PDE4D: variants seen among roughly 807,000 people sequenced by gnomAD.
PDE4D encodes 3',5'-cyclic-AMP phosphodiesterase 4D.
Under a neutral mutation model 87.4 loss-of-function variants are expected in PDE4D, and 24 were observed. The ratio of observed to expected loss-of-function variants is 0.27; its 90% CI spans 0.20 to 0.39. PDE4D has a LOEUF of 0.39. Among genes scored for constraint, PDE4D ranks in the 10% least tolerant of loss-of-function variants. The probability of loss-of-function intolerance (pLI) is 1.00; values close to 1 mark genes in which losing one functional copy is unlikely to be tolerated. For synonymous variants in PDE4D, 384 were observed against 383.2 expected (o/e 1.00, Z -0.02); for missense variants, 714 against 1,041.0 (o/e 0.69, Z 4.32).
chr5:59,789,168 T>A (rs540517557), intron 1 of PDE4D, among the ~76,000 whole-genome samples: 3 of 152,328 alleles, frequency 2.0e-5, no homozygotes, highest in Admixed American at 6.5e-5. Context: ...CTAAGAAATA[T>A]GCTCAGATGG....
chr5:59,448,935 G>A (rs953792511), intron 1 of PDE4D, among the ~76,000 whole-genome samples: 2 of 152,082 alleles, frequency 1.3e-5, no homozygotes, highest in African/African-American at 4.8e-5. Context: ...ATTCCCAGCA[G>A]CTAGGGAATA....
intron 1 of PDE4D, among the ~76,000 whole-genome samples, chr5:60,333,582 T>A (rs1415250850): frequency 6.6e-6 from 1 of 152,186 alleles, no homozygotes; most frequent in African/African-American, 2.4e-5. Flanking sequence ...GACTAACTAA[T>A]GTGTGGCCTG....
At chr5:59,195,720 T>G (rs976543960) in intron 2 of PDE4D, among the ~76,000 whole-genome samples, 2 of 152,240 alleles carry the variant, frequency 1.3e-5, no homozygotes, top group Non-Finnish European at 2.9e-5. Context: ...TAGAGTGATG[T>G]TTTGGGATTC....
intron 1 of PDE4D, among the ~76,000 whole-genome samples, chr5:60,374,972 C>A (rs1761322623): frequency 6.6e-6 from 1 of 152,028 alleles, no homozygotes; most frequent in Non-Finnish European, 1.5e-5. Context: ...GTTTTAATTT[C>A]TATCCCAGTT....
intron 5 of PDE4D, among the ~76,000 whole-genome samples, chr5:59,139,440 C>T (rs1252890579): frequency 6.6e-6 from 1 of 152,090 alleles, no homozygotes; most frequent in Admixed American, 6.6e-5. Flanking sequence ...AAACTTTACC[C>T]TGAAGGCATT....
chr5:58,986,788 C>T (rs1188799164), intron 11 of PDE4D, among the ~76,000 whole-genome samples: 2 of 152,122 alleles, frequency 1.3e-5, no homozygotes, highest in African/African-American at 2.4e-5. Flanking sequence ...AAGAATAGAG[C>T]AGGTCCTCAT....
At chr5:59,709,763 C>T (rs1342004864) in intron 1 of PDE4D, among the ~76,000 whole-genome samples, 1 of 152,076 alleles carries the variant, frequency 6.6e-6, no homozygotes, top group African/African-American at 2.4e-5. Context: ...AAATGAGAAT[C>T]GCTGGGTGGT....
At chr5:59,336,335 C>A (rs1777650821) in intron 1 of PDE4D, among the ~76,000 whole-genome samples, 1 of 152,196 alleles carries the variant, frequency 6.6e-6, no homozygotes, top group Non-Finnish European at 1.5e-5. Flanking sequence ...TTGTACTTTC[C>A]TGTCCCCATC....
At chr5:60,024,994 C>T (rs1766471816) in intron 2 of PDE4D, among the ~76,000 whole-genome samples, 1 of 151,924 alleles carries the variant, frequency 6.6e-6, no homozygotes, top group Non-Finnish European at 1.5e-5. Flanking sequence ...TGGTGGAGCT[C>T]TGTGTGGGCA....
intron 1 of PDE4D, among the ~76,000 whole-genome samples, chr5:59,319,781 A>T (rs1014628346): frequency 8.5e-5 from 13 of 152,232 alleles, no homozygotes; most frequent in African/African-American, 3.1e-4. Context: ...GCAATAAGGT[A>T]CTCTGTTCTG....
rs887073339 is a variant in PDE4D, at chr5:60,251,829, T to C, written c.-89-66142A>G. Among the ~76,000 whole-genome samples, 7 of 152,046 alleles carry C rather than the reference T, an allele frequency of 4.6e-5. No homozygotes were observed. In the South Asian group the frequency reaches 6.2e-4, roughly 13 times the overall value. The stretch of plus-strand genomic sequence containing the variant: ...TGTTTATAAAGTCTATAGTAGTGTA[T>C]AGTAATGTTCTGGGCCTTTATATTC... On this transcript the variant is annotated intron_variant, in intron 1 of 16. Transcript: ENST00000502484.
At chr5:60,428,003 G>A (rs951421846) in intron 1 of PDE4D, among the ~76,000 whole-genome samples, 1 of 152,194 alleles carries the variant, frequency 6.6e-6, no homozygotes, top group African/African-American at 2.4e-5. Flanking sequence ...TTGAGCCCCA[G>A]AGTTTGAGGC....
intron 5 of PDE4D, among the ~76,000 whole-genome samples, chr5:59,091,370 G>C (rs939686842): frequency 6.6e-6 from 1 of 151,230 alleles, no homozygotes; most frequent in Non-Finnish European, 1.5e-5. Flanking sequence ...TTTCCAAACT[G>C]GATATGTTCA....
At chr5:60,511,195 C>A (rs549469954) in intron 1 of PDE4D, among the ~76,000 whole-genome samples, 2 of 152,218 alleles carry the variant, frequency 1.3e-5, no homozygotes, top group African/African-American at 4.8e-5. Flanking sequence ...GTCTCGAACT[C>A]CTGACCTCAA....
chr5:59,631,937 G>A (rs942439194), intron 1 of PDE4D, among the ~76,000 whole-genome samples: 1 of 152,168 alleles, frequency 6.6e-6, no homozygotes, highest in Non-Finnish European at 1.5e-5. Context: ...GGGAGCCAAG[G>A]GGTCTTGCTC....
intron 6 of PDE4D, among the ~76,000 whole-genome samples, chr5:59,023,991 C>T (rs1456651242): frequency 6.6e-6 from 1 of 151,430 alleles, no homozygotes; most frequent in Non-Finnish European, 1.5e-5. Context: ...CAACCTCTAC[C>T]TCCTGGGTTC....
intron 1 of PDE4D, among the ~76,000 whole-genome samples, chr5:59,748,304 C>A (rs1201300426): frequency 1.3e-5 from 2 of 152,110 alleles, no homozygotes; most frequent in Non-Finnish European, 2.9e-5. Context: ...TTACTGGGTA[C>A]ATACCCAAAG....
At chr5:60,337,888 C>T (rs1252852166) in intron 1 of PDE4D, among the ~76,000 whole-genome samples, 2 of 151,836 alleles carry the variant, frequency 1.3e-5, no homozygotes, top group Non-Finnish European at 1.5e-5. Flanking sequence ...AAAAAACATT[C>T]CTCATGGGCT....
At chr5:60,280,816 GTTAA>G (rs1751823434) in intron 1 of PDE4D, among the ~76,000 whole-genome samples, 1 of 152,136 alleles carries the variant, frequency 6.6e-6, no homozygotes, top group South Asian at 2.1e-4. Context: ...CTCTATAAAT[GTTAA>G]TTATTAACTT....
Sources: gnomAD v4.1 joint callset for allele counts (sites outside exome capture counted in the v4.1 genomes callset) on GRCh38, gnomAD v4.1.1 for gene constraint, MANE v1.5 for transcripts, NCBI Gene and HGNC (gene_info 2026-07-23, HGNC 2026-07-21) for gene names.